The following NCCRP1 variants were observed in gnomAD, a reference collection of about 807,000 sequenced individuals.
NCCRP1 encodes the protein NCCRP1, F-box associated domain containing.
A neutral mutation model predicts 34.4 loss-of-function variants in NCCRP1; 32 were observed. The observed-to-expected ratio is 0.93, with a 90% confidence interval of 0.70 to 1.25. NCCRP1 has a LOEUF of 1.25. Among genes scored for constraint, NCCRP1 ranks in the 50% most tolerant of loss-of-function variants. The pLI, the probability that NCCRP1 is intolerant of heterozygous loss-of-function variation, is 0.00. For missense variants in NCCRP1, 372 were observed against 391.8 expected (o/e 0.95, Z 0.43); for synonymous variants, 172 against 180.1 (o/e 0.95, Z 0.36).
chr19:39,198,892 G>T (rs747585584), intron 3 of NCCRP1, among the ~76,000 whole-genome samples: 71 of 152,274 alleles, frequency 4.7e-4, no homozygotes, highest in Non-Finnish European at 7.1e-4. Context: ...GAGGCTCAGG[G>T]TCACACAGGC....
chr19:39,197,149 C>A lies in NCCRP1; in HGVS notation c.167C>A (p.Pro56His), dbSNP rs1188913622. The A allele has an allele frequency of 6.8e-7, 1 of 1,469,586 alleles. No homozygotes were observed. The highest frequency in any genetic ancestry group is 2.8e-5 in the East Asian group (1 of 36,078). 91.0% of individuals were successfully genotyped at this position (1,469,586 alleles called of 1,614,324 possible). ...CCATCGCCCGCAGCCCCGGAGGCCC[C>A]CGAGCTCCCCGAGCCGGCGCAGCCG... Reference protein sequence around the residue: ...SLPSPAAPEAPELPEPAQPSE... With the variant: ...SLPSPAAPEAHELPEPAQPSE... The change falls in exon 1 of 6, where the codon CCC becomes CAC. Residue 56 changes from proline (P) to histidine (H), a missense_variant. Coordinates refer to ENST00000339852, the MANE Select transcript of NCCRP1 (RefSeq NM_001001414.2).
Position 39,199,024 on chromosome 19 carries a change from C to T in NCCRP1, c.453-146C>T, listed in dbSNP as rs536881671. On this transcript the variant is annotated intron_variant, in intron 3 of 5. Coordinates refer to ENST00000339852, the MANE Select transcript of NCCRP1 (RefSeq NM_001001414.2). ...AGGATGCATTGCCCTCAGAGGGGCC[C>T]GTGGGAACTGAGAGTGGAAGGTGCT... 1.4e-4 allele frequency: 97 copies of T among 673,218 alleles called. 1 individual carries two copies. The South Asian group carries it at 1.5e-3, about 10-fold the overall frequency. The allele number at this position is 673,218 out of a possible 1,614,324, so 41.7% of individuals were successfully genotyped here.
At position 39,200,270 on chromosome 19, in the gene NCCRP1, T is replaced by C; in HGVS notation, c.549-76T>C. On this transcript the variant is annotated intron_variant, in intron 4 of 5. Coordinates refer to ENST00000339852, the MANE Select transcript of NCCRP1 (RefSeq NM_001001414.2). The surrounding 1 kb of genome is among the most constrained non-coding windows in gnomAD (Gnocchi z 5.8). Reference sequence around the variant, plus strand: ...CATGGGTAGCAGCATGTGTGTTGAATGGGGAATGGGGCCAGGGGCTGGGGC... The same window carrying C: ...CATGGGTAGCAGCATGTGTGTTGAACGGGGAATGGGGCCAGGGGCTGGGGC... 1 of 1,567,266 alleles carries C rather than the reference T, an allele frequency of 6.4e-7. No homozygotes were observed. Among genetic ancestry groups the C allele is most frequent in the Admixed American group, 1.7e-5 (1 of 58,842 alleles).
chr19:39,197,370 C>A (rs989302963), intron 1 of NCCRP1, 51 bp downstream of exon 1: 21 of 1,335,660 alleles, frequency 1.6e-5, no homozygotes, highest in Non-Finnish European at 2.0e-5. Flanking sequence ...CCGTCTGTCT[C>A]TTCCTCTTTC....
chr19:39,200,844 T>G lies in NCCRP1; in HGVS notation c.*88T>G. 1 of 1,477,618 alleles carries G rather than the reference T, an allele frequency of 6.8e-7. No individual in the cohort carries two copies. The highest frequency in any genetic ancestry group is 9.0e-7 in the Non-Finnish European group (1 of 1,106,284). The allele number at this position is 1,477,618 out of a possible 1,614,324, so 91.5% of individuals were successfully genotyped here. ...AGTCACCTCCTAGGCCTCTTATTTCTCCCTGGCCCTTGGCTTCTCACTTGA... is the reference window on the plus strand; with the variant it reads ...AGTCACCTCCTAGGCCTCTTATTTCGCCCTGGCCCTTGGCTTCTCACTTGA... On this transcript the variant is annotated 3_prime_UTR_variant, in exon 6 of 6. Coordinates refer to ENST00000339852, the MANE Select transcript of NCCRP1 (RefSeq NM_001001414.2). This position sits in a 1 kb window ranked among gnomAD's most constrained non-coding sequence, Gnocchi z 5.8.
Position 39,198,222 on chromosome 19 carries a change from A to G in NCCRP1, c.421A>G (p.Ile141Val), listed in dbSNP as rs781328758. 2.5e-6 allele frequency: 4 copies of G among 1,614,182 alleles called. No homozygotes were observed. The highest frequency in any genetic ancestry group is 1.1e-5 in the South Asian group (1 of 91,086). Reference protein sequence around the residue: ...ETLGNFRGWYIRTEKLQQNQS... With the variant: ...ETLGNFRGWYVRTEKLQQNQS... ...TGCAGGCAATTTCCGTGGCTGGTAC[A>G]TTAGAACTGAAAAGCTCCAGCAGAA... Residue 141 changes from isoleucine (I) to valine (V), a missense_variant, in exon 3 of 6, where the codon ATT becomes GTT. Ile to Val is a conservative substitution (Grantham distance 29, BLOSUM62 3). Coordinates refer to ENST00000339852, the MANE Select transcript of NCCRP1 (RefSeq NM_001001414.2).
In NCCRP1 at chr19:39,197,188, C is replaced by T. The variant is rs1254463059; in HGVS notation, c.206C>T (p.Ala69Val). ...CCGGCGCAGCCGTCCGAGGCTCACG[C>T]CCGGCAGCTGCTGCTGGAGGAGTGG... is the stretch of plus-strand genomic sequence containing the variant. ...PEPAQPSEAHARQLLLEEWGP... is the reference protein window; with the variant it reads ...PEPAQPSEAHVRQLLLEEWGP... The change falls in exon 1 of 6, where the codon GCC (alanine) becomes GTC (valine). Residue 69 changes from alanine (A) to valine (V), a missense_variant. By Grantham distance (64) the Ala-to-Val change is moderately conservative. Coordinates refer to ENST00000339852, the MANE Select transcript of NCCRP1 (RefSeq NM_001001414.2). 1.4e-6 allele frequency: 2 copies of T among 1,427,872 alleles called. No homozygotes were observed. The highest frequency in any genetic ancestry group is 5.8e-5 in the East Asian group (2 of 34,396). The allele number at this position is 1,427,872 out of a possible 1,614,324, so 88.5% of individuals were successfully genotyped here. A position where few individuals can be genotyped will look rare whatever the true frequency, so the allele number is the denominator to read the frequency against.
chr19:39,199,296 C>G, intron 4 of NCCRP1, 31 bp downstream of exon 4: 1 of 1,596,702 alleles, frequency 6.3e-7, no homozygotes, highest in East Asian at 2.2e-5. Flanking sequence ...AGCCTGACCC[C>G]GTGATCGCGC....
rs554459910 is a variant in NCCRP1 at position 39,198,846 on chromosome 19, C to T, written c.453-324C>T. ...GCCCCTGTCCTCCATGAAACAGAGCCTTGCTCCTGCACAGTAGATGAGCTG... is the reference window on the plus strand; with the variant it reads ...GCCCCTGTCCTCCATGAAACAGAGCTTTGCTCCTGCACAGTAGATGAGCTG... On this transcript the variant is annotated intron_variant, in intron 3 of 5. Coordinates refer to ENST00000339852, the MANE Select transcript of NCCRP1 (RefSeq NM_001001414.2). 1.2e-4 allele frequency among the ~76,000 whole-genome samples: 19 copies of T among 152,288 alleles called. No individual in the cohort carries two copies. In the South Asian group the frequency reaches 3.7e-3, roughly 30 times the overall value.
In NCCRP1 at chr19:39,201,134, T is replaced by G. The variant is rs763499065; in HGVS notation, c.*378T>G. 1 of 207,148 alleles carries G rather than the reference T, an allele frequency of 4.8e-6. No homozygotes were observed. The highest frequency in any genetic ancestry group is 9.6e-6 in the Non-Finnish European group (1 of 104,206). The allele number at this position is 207,148 out of a possible 1,614,324, so 12.8% of individuals were successfully genotyped here. A position where few individuals can be genotyped will look rare whatever the true frequency, so the allele number is the denominator to read the frequency against. On this transcript the variant is annotated 3_prime_UTR_variant, in exon 6 of 6. Transcript: ENST00000339852. ...ACCCAGCCCAGGGCTGTGAACGGAGTGGGTGGCAGCAAATGTGTGTTGAAA... is the reference window on the plus strand; with the variant it reads ...ACCCAGCCCAGGGCTGTGAACGGAGGGGGTGGCAGCAAATGTGTGTTGAAA...
Position 39,200,608 on chromosome 19 carries a change from C to G in NCCRP1, c.688-8C>G, listed in dbSNP as rs763794783. 1 of 1,613,852 alleles carries G rather than the reference C, an allele frequency of 6.2e-7. No individual in the cohort carries two copies. Among genetic ancestry groups the G allele is most frequent in the South Asian group, 1.1e-5 (1 of 91,040 alleles). ...GCTCCTCCCTAACCCCAGGTGCTGT[C>G]ACCACAGGTGTCCCACGTATTCCGC... On this transcript the variant is annotated splice_region_variant and splice_polypyrimidine_tract_variant and intron_variant, in intron 5 of 5. Transcript: ENST00000339852. The surrounding 1 kb of genome is among the most constrained non-coding windows in gnomAD (Gnocchi z 5.8).
rs752469896 is a variant in NCCRP1, at chr19:39,197,287, A to T, written c.305A>T (p.Tyr102Phe). 14 of 1,488,534 alleles carry T rather than the reference A, an allele frequency of 9.4e-6. 1 individual carries two copies. In the South Asian group the frequency reaches 1.6e-4, roughly 17 times the overall value. The allele number at this position is 1,488,534 out of a possible 1,614,324, so 92.2% of individuals were successfully genotyped here. ...CTGCTCCTGTTGCGGCGGCCGCTCT[A>T]CCGCAACCTGCTGCGCTCGCCCAAC... ...WKLLLLRRPL[Y>F]RNLLRSPNPE... The change falls in exon 1 of 6, where the codon TAC (tyrosine) becomes TTC (phenylalanine). Residue 102 changes from tyrosine to phenylalanine, a missense_variant. By Grantham distance (22) the Tyr-to-Phe change is conservative. Coordinates refer to ENST00000339852, the MANE Select transcript of NCCRP1 (RefSeq NM_001001414.2).
chr19:39,197,255 C>T lies in NCCRP1; in HGVS notation c.273C>T (p.Thr91=). ...SGGLELPQRL[T]WKLLLLRRPL... ...GCCTGGAGCTGCCCCAGCGCCTCAC[C>T]TGGAAGCTGCTCCTGTTGCGGCGGC... Residue 91 remains threonine (T), a synonymous_variant, in exon 1 of 6, where the codon ACC becomes ACT. Transcript: ENST00000339852. 6.7e-7 allele frequency: 1 copy of T among 1,493,608 alleles called. No homozygotes were observed. The highest frequency in any genetic ancestry group is 1.3e-5 in the South Asian group (1 of 78,218). The allele number at this position is 1,493,608 out of a possible 1,614,324, so 92.5% of individuals were successfully genotyped here.
chr19:39,199,107 G>A, intron 3 of NCCRP1, 63 bp from the exon 4 acceptor site: 1 of 1,495,120 alleles, frequency 6.7e-7, no homozygotes, highest in South Asian at 1.1e-5. Context: ...CTAAGACAGG[G>A]CTTCCTGCTC....
chr19:39,199,269 C>A lies in NCCRP1; in HGVS notation c.548+4C>A. The A allele has an allele frequency of 6.2e-7, 1 of 1,612,730 alleles. No homozygotes were observed. On this transcript the variant is annotated splice_donor_region_variant and intron_variant, in intron 4 of 5. Transcript: ENST00000339852. The stretch of plus-strand genomic sequence containing the variant: ...CAGCCATTACGGTCATGGACTGGTG[C>A]GTGCCCCTCCCCTGCCAGCCTGACC...
intron 1 of NCCRP1, among the ~76,000 whole-genome samples, chr19:39,197,619 C>G (rs2074768565): frequency 6.6e-6 from 1 of 152,128 alleles, no homozygotes; most frequent in African/African-American, 2.4e-5. Flanking sequence ...TGCTGTCGCC[C>G]AGGCTGGAAT....
Position 39,197,252 on chromosome 19 carries a change from C to A in NCCRP1, c.270C>A (p.Leu90=). The change falls in exon 1 of 6, where the codon CTC becomes CTA. Residue 90 remains leucine, a synonymous_variant. Transcript: ENST00000339852. ...LSGGLELPQR[L]TWKLLLLRRP... is the part of the protein sequence containing the mutation. ...GGGGCCTGGAGCTGCCCCAGCGCCT[C>A]ACCTGGAAGCTGCTCCTGTTGCGGC... The A allele has an allele frequency of 6.7e-7, 1 of 1,489,278 alleles. No homozygotes were observed. The highest frequency in any genetic ancestry group is 8.8e-7 in the Non-Finnish European group (1 of 1,130,014). 92.3% of individuals were successfully genotyped at this position (1,489,278 alleles called of 1,614,324 possible).
At position 39,200,914 on chromosome 19, in the gene NCCRP1, C is replaced by G; in HGVS notation, c.*158C>G. ...TTAAGCGGTGGACTCCAGCATTTTC[C>G]CAGCACTGTCTGAGCCCCATGAGGG... is the stretch of plus-strand genomic sequence containing the variant. On this transcript the variant is annotated 3_prime_UTR_variant, in exon 6 of 6. Transcript: ENST00000339852. This position sits in a 1 kb window ranked among gnomAD's most constrained non-coding sequence, Gnocchi z 5.8. 1 of 898,130 alleles carries G rather than the reference C, an allele frequency of 1.1e-6. No homozygotes were observed. Among genetic ancestry groups the G allele is most frequent in the Non-Finnish European group, 1.7e-6 (1 of 601,538 alleles). 55.6% of individuals were successfully genotyped at this position (898,130 alleles called of 1,614,324 possible). A position where few individuals can be genotyped will look rare whatever the true frequency, so the allele number is the denominator to read the frequency against.
Position 39,200,872 on chromosome 19 carries a change from G to A in NCCRP1, c.*116G>A, listed in dbSNP as rs371951876. ...CTGGCCCTTGGCTTCTCACTTGATG[G>A]ACAGCTTCACACACCCTTAAGCGGT... On this transcript the variant is annotated 3_prime_UTR_variant, in exon 6 of 6. Transcript: ENST00000339852. This position sits in a 1 kb window ranked among gnomAD's most constrained non-coding sequence, Gnocchi z 5.8. The A allele has an allele frequency of 7.6e-7, 1 of 1,307,628 alleles. No individual in the cohort carries two copies. The highest frequency in any genetic ancestry group is 1.0e-6 in the Non-Finnish European group (1 of 956,092). 81.0% of individuals were successfully genotyped at this position (1,307,628 alleles called of 1,614,324 possible). A position where few individuals can be genotyped will look rare whatever the true frequency, so the allele number is the denominator to read the frequency against.
Sources: gnomAD v4.1 joint callset for allele counts (sites outside exome capture counted in the v4.1 genomes callset) on GRCh38, gnomAD v4.1.1 for gene constraint, Gnocchi (gnomAD v3.1) non-coding constraint, MANE v1.5 for transcripts, NCBI Gene and HGNC (gene_info 2026-07-23, HGNC 2026-07-21) for gene names.